AXIN1: variants seen among roughly 807,000 people sequenced by gnomAD.
AXIN1 encodes the protein axin 1.
A neutral mutation model predicts 76.4 loss-of-function variants in AXIN1; 30 were observed. The observed-to-expected ratio is 0.39, with a 90% CI of 0.29 to 0.53. The LOEUF (loss-of-function observed/expected upper bound fraction) is 0.53. AXIN1 is among the 20% of genes least tolerant of loss of function. The pLI is 0.66. For missense variants in AXIN1, 1,140 were observed against 1,198.8 expected (o/e 0.95, Z 0.72); for synonymous variants, 545 against 501.4 (o/e 1.09, Z -1.16).
Position 346,697 on chromosome 16 carries a change from C to T in AXIN1, c.329G>A (p.Gly110Asp), listed in dbSNP as rs2141705995. 6.4e-7 allele frequency: 1 copy of T among 1,572,074 alleles called. No individual in the cohort carries two copies. Among genetic ancestry groups the T allele is most frequent in the Non-Finnish European group, 8.6e-7 (1 of 1,158,714 alleles). Residue 110 changes from glycine (G) to aspartate (D), a missense_variant, in exon 2 of 11, where the codon GGC (glycine) becomes GAC (aspartate). This residue lies in a region of AXIN1 where 708 missense variants were observed against 776.9 expected (regional missense o/e 0.91). Coordinates refer to ENST00000262320, the MANE Select transcript of AXIN1 (RefSeq NM_003502.4). ...CCAGAAGTCCAGCAAGTCGGCACAG[C>T]CCTCCTGCTTCAGGAAAGTCCTGAA... ...SLFRTFLKQEGCADLLDFWFA... is the reference protein window; with the variant it reads ...SLFRTFLKQEDCADLLDFWFA...
At chr16:324,227 C>T (rs891455128) in intron 2 of AXIN1, among the ~76,000 whole-genome samples, 2 of 152,202 alleles carry the variant, frequency 1.3e-5, no homozygotes, top group East Asian at 1.9e-4. Flanking sequence ...CATTACGGGT[C>T]GGCACTGGGC....
chr16:289,339 T>C, intron 10 of AXIN1, 101 bp downstream of exon 10: 1 of 1,488,234 alleles, frequency 6.7e-7, no homozygotes, highest in Non-Finnish European at 9.2e-7. Context: ...GTGCCAGGAT[T>C]AGGACGTGAG....
intron 9 of AXIN1, chr16:289,838 C>T: frequency 3.3e-6 from 2 of 608,636 alleles, no homozygotes; most frequent in South Asian, 1.9e-5. Context: ...TCCCTGCTGC[C>T]TCACAGCCCC....
rs2141511288 is a variant in AXIN1 at position 297,906 on chromosome 16, G to A, written c.1600C>T (p.His534Tyr). The A allele has an allele frequency of 1.3e-6, 2 of 1,596,092 alleles. No individual in the cohort carries two copies. The highest frequency in any genetic ancestry group is 1.7e-6 in the Non-Finnish European group (2 of 1,170,442). ...LDAAGLHHHR[H>Y]VHHHVHHSTA... ...CTGTGGTGGACGTGGTGGTGGACGT[G>A]TCGGTGGTGGTGCAGGCCGGCCGCG... Residue 534 changes from histidine (H) to tyrosine (Y), a missense_variant, in exon 6 of 11, where the codon CAC becomes TAC. His to Tyr is a moderately conservative substitution (Grantham distance 83). Transcript: ENST00000262320.
chr16:304,533 GTATTT>G lies in AXIN1; in HGVS notation c.1117-97_1117-93del, dbSNP rs771777589. 1.9e-4 allele frequency: 305 copies of G among 1,569,636 alleles called. 1 individual carries two copies. Among genetic ancestry groups the G allele is most frequent in the Middle Eastern group, 3.4e-4 (2 of 5,964 alleles). On this transcript the variant is annotated intron_variant, in intron 4 of 10. Coordinates refer to ENST00000262320, the MANE Select transcript of AXIN1 (RefSeq NM_003502.4). ...GGAAAGAGCGTGTGCTATCTCTGTT[GTATTT>G]TATTTTATTTTTTTGAGACAAACTC... is the stretch of plus-strand genomic sequence containing the variant.
chr16:334,339 GC>G (rs983909221), intron 2 of AXIN1, among the ~76,000 whole-genome samples: 8 of 148,782 alleles, frequency 5.4e-5, no homozygotes, highest in African/African-American at 2.0e-4. Context: ...TAATTACACA[GC>G]ACCCAGTACC....
At chr16:303,231 G>A (rs896048099) in intron 5 of AXIN1, among the ~76,000 whole-genome samples, 7 of 152,272 alleles carry the variant, frequency 4.6e-5, no homozygotes, top group African/African-American at 1.7e-4. Context: ...GCCGGCCTGC[G>A]CACTGGGAGG....
intron 2 of AXIN1, among the ~76,000 whole-genome samples, chr16:335,516 C>G (rs563165918): frequency 3.5e-4 from 53 of 152,064 alleles, no homozygotes; most frequent in African/African-American, 1.2e-3. Flanking sequence ...AACACAGCAC[C>G]CAGTACCACG....
chr16:316,723 G>C (rs565197335), intron 2 of AXIN1, among the ~76,000 whole-genome samples: 27 of 152,134 alleles, frequency 1.8e-4, no homozygotes, highest in Admixed American at 1.1e-3. Flanking sequence ...CCTCACAGGG[G>C]GTTTATCACA....
intron 2 of AXIN1, among the ~76,000 whole-genome samples, chr16:341,087 G>A (rs2053908739): frequency 6.6e-6 from 1 of 152,280 alleles, no homozygotes; most frequent in Admixed American, 6.5e-5. Context: ...ACCCCGGTGA[G>A]AGGTGACAGC....
At chr16:315,695 C>T (rs2053283981) in intron 2 of AXIN1, among the ~76,000 whole-genome samples, 2 of 152,006 alleles carry the variant, frequency 1.3e-5, no homozygotes, top group South Asian at 2.1e-4. Context: ...GGCGTGGTGG[C>T]GGGCGCCTGT....
rs1597047031 is a variant in AXIN1 at position 314,561 on chromosome 16, G to A, written c.1001C>T (p.Ser334Phe). Residue 334 changes from serine to phenylalanine, a missense_variant, in exon 3 of 11, where the codon TCC (serine) becomes TTC (phenylalanine). By Grantham distance (155) the Ser-to-Phe change is radical (BLOSUM62 -2). Coordinates refer to ENST00000262320, the MANE Select transcript of AXIN1 (RefSeq NM_003502.4). ...QSLSSDADTL[S>F]LTDSSVDGIP... ...GACTTACACGCTGCTGTCCGTGAGG[G>A]ACAGGGTGTCTGCATCGCTGGACAG... The A allele has an allele frequency of 6.2e-7, 1 of 1,613,864 alleles. No individual in the cohort carries two copies. Among genetic ancestry groups the A allele is most frequent in the East Asian group, 2.2e-5 (1 of 44,880 alleles).
intron 2 of AXIN1, among the ~76,000 whole-genome samples, chr16:342,425 A>C (rs377632975): frequency 1.3e-5 from 2 of 152,312 alleles, no homozygotes; most frequent in South Asian, 4.1e-4. Context: ...CAGGATATGC[A>C]TCCCCTAACA....
chr16:320,520 A>C (rs1257661673), intron 2 of AXIN1, among the ~76,000 whole-genome samples: 1 of 152,098 alleles, frequency 6.6e-6, no homozygotes, highest in Non-Finnish European at 1.5e-5. Flanking sequence ...AAATTTAGAA[A>C]CAGGTCAAGC....
chr16:327,470 C>G (rs533033890), intron 2 of AXIN1, among the ~76,000 whole-genome samples: 1 of 152,232 alleles, frequency 6.6e-6, no homozygotes, highest in African/African-American at 2.4e-5. Context: ...CTGCGGCCAG[C>G]CTTTTCTTTG....
intron 5 of AXIN1, among the ~76,000 whole-genome samples, chr16:300,326 C>A (rs1325535678): frequency 1.3e-5 from 2 of 152,092 alleles, no homozygotes; most frequent in African/African-American, 4.8e-5. Context: ...GTAGCTGGGA[C>A]TACAGGTGCA....
intron 2 of AXIN1, among the ~76,000 whole-genome samples, chr16:334,085 C>T (rs1278549251): frequency 1.5e-5 from 2 of 132,718 alleles, no homozygotes; most frequent in Admixed American, 7.5e-5. Context: ...AGGCACACCA[C>T]TAACACAGCA....
At chr16:301,104 A>G (rs904394206) in intron 5 of AXIN1, among the ~76,000 whole-genome samples, 3 of 151,936 alleles carry the variant, frequency 2.0e-5, no homozygotes, top group African/African-American at 7.3e-5. Context: ...CCCCGTCTCT[A>G]CTAAAAATAC....
At position 325,279 on chromosome 16, in the gene AXIN1, C is replaced by T. The variant is rs991958161; in HGVS notation, c.879-10596G>A. Among the ~76,000 whole-genome samples, 5 of 149,978 alleles carry T rather than the reference C, an allele frequency of 3.3e-5. No individual in the cohort carries two copies. In the East Asian group the frequency reaches 9.7e-4, roughly 29 times the overall value. On this transcript the variant is annotated intron_variant, in intron 2 of 10. Coordinates refer to ENST00000262320, the MANE Select transcript of AXIN1 (RefSeq NM_003502.4). ...GGCCTTTTCTAGAATTCTGTATAAACGCAGTCTCATGGGGAGCTAGTGCCC... is the reference window on the plus strand; with the variant it reads ...GGCCTTTTCTAGAATTCTGTATAAATGCAGTCTCATGGGGAGCTAGTGCCC...
Sources: gnomAD v4.1 joint callset for allele counts (sites outside exome capture counted in the v4.1 genomes callset) on GRCh38, gnomAD v4.1.1 for gene constraint, gnomAD v4.1.1 regional missense constraint, MANE v1.5 for transcripts, NCBI Gene and HGNC (gene_info 2026-07-23, HGNC 2026-07-21) for gene names.